Variants in TBKBP1 observed in about 807,000 individuals in gnomAD.
TBKBP1 encodes TBK1 binding protein 1, also known as TANK-binding kinase 1-binding protein 1.
A neutral mutation model predicts 69.9 loss-of-function variants in TBKBP1; 47 were observed. The observed-to-expected ratio is 0.67, with a 90% CI of 0.53 to 0.86. TBKBP1 has a LOEUF of 0.86. TBKBP1 is among the 40% of genes least tolerant of loss of function. The pLI is 0.00. For synonymous variants in TBKBP1, 418 were observed against 390.3 expected (o/e 1.07, Z -0.84); for missense variants, 831 against 858.6 (o/e 0.97, Z 0.40).
At chr17:47,694,111 G>C (rs1047736624), upstream of TBKBP1, 3 of 135,904 alleles carry the variant, frequency 2.2e-5, no homozygotes, top group Non-Finnish European at 4.8e-5. Context: ...GCGGTACCAG[G>C]GGGGTGGGGG....
Position 47,696,109 on chromosome 17 carries a change from C to G in TBKBP1, c.-4C>G. 3 of 1,607,328 alleles carry G rather than the reference C, an allele frequency of 1.9e-6. No individual in the cohort carries two copies. Among genetic ancestry groups the G allele is most frequent in the Non-Finnish European group, 2.5e-6 (3 of 1,177,214 alleles). The stretch of plus-strand genomic sequence containing the variant: ...CCCGTGTGGGCCGCGGCCCGGCCCT[C>G]ACCATGGAGTCCATGTTCGAGGACG... On this transcript the variant is annotated 5_prime_UTR_variant, in exon 2 of 10. Transcript: ENST00000578982.
intron 7 of TBKBP1, among the ~76,000 whole-genome samples, chr17:47,700,210 C>T (rs995771518): frequency 6.7e-6 from 1 of 149,538 alleles, no homozygotes; most frequent in Non-Finnish European, 1.5e-5. Flanking sequence ...AGGATGGTCT[C>T]GATCTCCTGA....
chr17:47,695,876 T>C (rs1248046715), intron 1 of TBKBP1: 9 of 463,694 alleles, frequency 1.9e-5, no homozygotes, highest in Non-Finnish European at 3.1e-5. Flanking sequence ...CTTCACCTGG[T>C]TCCAGCCCCT....
intron 2 of TBKBP1, 26 bp from the exon 3 acceptor site, chr17:47,696,685 C>A: frequency 6.2e-7 from 1 of 1,613,674 alleles, no homozygotes. Context: ...GGAATCCACT[C>A]TCCTGAAGCT....
Position 47,708,417 on chromosome 17 carries a change from C to T in TBKBP1, c.896C>T (p.Thr299Ile). 2 of 1,613,944 alleles carry T rather than the reference C, an allele frequency of 1.2e-6. No homozygotes were observed. Among genetic ancestry groups the T allele is most frequent in the Non-Finnish European group, 1.7e-6 (2 of 1,179,844 alleles). Residue 299 changes from threonine to isoleucine, a missense_variant, in exon 8 of 10, where the codon ACC (threonine) becomes ATC (isoleucine). Thr to Ile is a moderately conservative substitution (Grantham distance 89). Transcript: ENST00000578982. The surrounding 1 kb of genome is among the most constrained non-coding windows in gnomAD (Gnocchi z 4.4). ...AGGGTGAATTTGGCGCTGGCCTACA[C>T]CGAGCTGACGGAGGAGCTGGGCCGG... Reference protein sequence around the residue: ...DDQVNLALAYTELTEELGRLR... With the variant: ...DDQVNLALAYIELTEELGRLR...
chr17:47,695,922 G>A (rs2031211283), intron 1 of TBKBP1, 157 bp from the exon 2 acceptor site: 3 of 564,154 alleles, frequency 5.3e-6, no homozygotes, highest in Non-Finnish European at 9.5e-6. Context: ...GGGCTGAGGA[G>A]TCTGGGAAGG....
At chr17:47,696,981 C>T (rs2031273540) in intron 3 of TBKBP1, 108 bp from the exon 4 acceptor site, 6 of 1,505,316 alleles carry the variant, frequency 4.0e-6, no homozygotes, top group Non-Finnish European at 5.4e-6. Flanking sequence ...GCTCCTCCTG[C>T]CCCTCCATAG....
chr17:47,710,321 G>T (rs769358951), intron 9 of TBKBP1, among the ~76,000 whole-genome samples, 177 bp from the exon 10 acceptor site: 22 of 152,226 alleles, frequency 1.4e-4, no homozygotes, highest in Non-Finnish European at 2.2e-4. Flanking sequence ...CCTGTCCCTG[G>T]GCAGGGGGGT....
rs1567909635 is a variant in TBKBP1 at position 47,708,479 on chromosome 17, A to G, written c.958A>G (p.Arg320Gly). The G allele has an allele frequency of 6.2e-7, 1 of 1,613,868 alleles. No individual in the cohort carries two copies. The highest frequency in any genetic ancestry group is 8.5e-7 in the Non-Finnish European group (1 of 1,179,832). ...ELSSLQGRIL[R>G]TLLQEQARSG... ...GAGTTCCCTACAGGGGAGAATCTTG[A>G]GGACTCTGTTGCAGGAACAGGCCCG... Residue 320 changes from arginine to glycine, a missense_variant, in exon 8 of 10, where the codon AGG (arginine) becomes GGG (glycine). By Grantham distance (125) the Arg-to-Gly change is moderately radical. Coordinates refer to ENST00000578982, the MANE Select transcript of TBKBP1 (RefSeq NM_001394755.1). This position sits in a 1 kb window ranked among gnomAD's most constrained non-coding sequence, Gnocchi z 4.4.
intron 7 of TBKBP1, among the ~76,000 whole-genome samples, chr17:47,703,690 C>T (rs2031599687): frequency 6.6e-6 from 1 of 152,114 alleles, no homozygotes; most frequent in Non-Finnish European, 1.5e-5. Flanking sequence ...AAAAAAGGCT[C>T]AAAACAAGTT....
Position 47,696,299 on chromosome 17 carries a change from G to A in TBKBP1, c.187G>A (p.Ala63Thr), listed in dbSNP as rs758360458. 1.9e-6 allele frequency: 3 copies of A among 1,613,372 alleles called. No individual in the cohort carries two copies. Among genetic ancestry groups the A allele is most frequent in the East Asian group, 2.2e-5 (1 of 44,874 alleles). The change falls in exon 2 of 10, where the codon GCC (alanine) becomes ACC (threonine). Residue 63 changes from alanine to threonine, a missense_variant. Physicochemically the swap from Ala to Thr is moderately conservative, Grantham distance 58. Coordinates refer to ENST00000578982, the MANE Select transcript of TBKBP1 (RefSeq NM_001394755.1). ...GCTGGGGGGCCTGGAGAGGGAGAAC[G>A]CCACCCTCCGACGCCGCCTCAAAGT... ...ERLGGLERENATLRRRLKVYE... is the reference protein window; with the variant it reads ...ERLGGLERENTTLRRRLKVYE...
chr17:47,699,510 C>T lies in TBKBP1; in HGVS notation c.810+15C>T, dbSNP rs2031404048. ...CCCGGGCCCAGGTAAATGCAGGGGCCTGGAACAGCTTCTGGAGGTCCAGGG... is the reference window on the plus strand; with the variant it reads ...CCCGGGCCCAGGTAAATGCAGGGGCTTGGAACAGCTTCTGGAGGTCCAGGG... On this transcript the variant is annotated intron_variant, in intron 6 of 9. Coordinates refer to ENST00000578982, the MANE Select transcript of TBKBP1 (RefSeq NM_001394755.1). 2.5e-6 allele frequency: 4 copies of T among 1,597,404 alleles called. No individual in the cohort carries two copies. The highest frequency in any genetic ancestry group is 3.4e-6 in the Non-Finnish European group (4 of 1,169,704).
At chr17:47,698,835 A>G in intron 5 of TBKBP1, 60 bp downstream of exon 5, 2 of 1,410,996 alleles carry the variant, frequency 1.4e-6, no homozygotes, top group Non-Finnish European at 1.9e-6. Flanking sequence ...CAACATTCCT[A>G]GACACCTCGC....
chr17:47,696,660 TGG>T (rs2031254938), intron 2 of TBKBP1, 49 bp from the exon 3 acceptor site: 1 of 1,612,972 alleles, frequency 6.2e-7, no homozygotes, highest in African/African-American at 1.3e-5. Flanking sequence ...GGCTGAGGCC[TGG>T]GCTGGGCACC....
At chr17:47,709,620 G>C (rs1419695406) in intron 9 of TBKBP1, among the ~76,000 whole-genome samples, 168 bp downstream of exon 9, 1 of 152,226 alleles carries the variant, frequency 6.6e-6, no homozygotes, top group Non-Finnish European at 1.5e-5. Context: ...TCCCTTTCCC[G>C]TGGTCTTCTG....
At chr17:47,709,533 C>T (rs2031850674) in intron 9 of TBKBP1, 81 bp downstream of exon 9, 2 of 1,400,576 alleles carry the variant, frequency 1.4e-6, no homozygotes, top group African/African-American at 1.5e-5. Flanking sequence ...CCGTTGAGGG[C>T]CTTGCCCCTT....
At chr17:47,697,659 G>A (rs7221355) in intron 4 of TBKBP1, among the ~76,000 whole-genome samples, 4,235 of 152,156 alleles carry the variant, frequency 0.028, 122 homozygotes, top group East Asian at 0.16. Context: ...TGGCTGTGCC[G>A]GTGAGCAGGT....
rs1394957660 is a variant in TBKBP1, at chr17:47,697,132, T to C, written c.392T>C (p.Ile131Thr). 1 of 1,613,092 alleles carries C rather than the reference T, an allele frequency of 6.2e-7. No individual in the cohort carries two copies. The highest frequency in any genetic ancestry group is 8.5e-7 in the Non-Finnish European group (1 of 1,179,522). ...KEQEEQLGEM[I>T]QAYEKLCVEK... is the part of the protein sequence containing the mutation. ...CAGGAAGAACAGCTTGGAGAGATGA[T>C]CCAGGCCTACGAGAAACTCTGCGTG... Residue 131 changes from isoleucine to threonine, a missense_variant, in exon 4 of 10, where the codon ATC becomes ACC. Transcript: ENST00000578982.
rs1487875468 is a variant in TBKBP1, at chr17:47,708,285, G to A, written c.873-109G>A. On this transcript the variant is annotated intron_variant, in intron 7 of 9. Coordinates refer to ENST00000578982, the MANE Select transcript of TBKBP1 (RefSeq NM_001394755.1). The surrounding 1 kb of genome is among the most constrained non-coding windows in gnomAD (Gnocchi z 4.4). ...TTGGGGTAGGAGGGCCCTGCGGGTG[G>A]GAGGGAGCATGGTGGGGCCAGATGC... is the stretch of plus-strand genomic sequence containing the variant. 8.6e-7 allele frequency: 1 copy of A among 1,169,004 alleles called. No homozygotes were observed. Among genetic ancestry groups the A allele is most frequent in the African/African-American group, 1.5e-5 (1 of 65,752 alleles). The allele number at this position is 1,169,004 out of a possible 1,614,324, so 72.4% of individuals were successfully genotyped here.
Sources: allele counts gnomAD v4.1 joint callset (sites outside exome capture counted in the v4.1 genomes callset), GRCh38; gene constraint gnomAD v4.1.1; non-coding constraint Gnocchi (gnomAD v3.1); transcripts MANE v1.5; gene names NCBI Gene and HGNC (gene_info 2026-07-23, HGNC 2026-07-21).